The following WNK1 variants were observed in gnomAD, a reference collection of about 807,000 sequenced individuals.
The protein encoded by WNK1 is serine/threonine-protein kinase WNK1.
Under a neutral mutation model 222.8 loss-of-function variants are expected in WNK1, and 38 were observed. The observed-to-expected ratio is 0.17, with a 90% CI of 0.13 to 0.22. WNK1 has a LOEUF of 0.22. Among genes scored for constraint, WNK1 ranks in the 10% least tolerant of loss-of-function variants. The pLI is 1.00. For synonymous variants in WNK1, 1,090 were observed against 1,092.9 expected, an observed-to-expected ratio of 1.00 and a Z score of 0.05; for missense variants, 2,348 against 2,918.4, an observed-to-expected ratio of 0.80 and a Z score of 4.50.
In WNK1 at chr12:901,014, T is replaced by C. The variant is rs200947010; in HGVS notation, c.6643+344T>C. On this transcript the variant is annotated intron_variant, in intron 26 of 27. Transcript: ENST00000315939. ...GTGTTTTAGCAGTTTCTGAAGCTAA[T>C]ACATTTTCTTAGCCATTGTAGAATT... 5.1e-5 allele frequency: 19 copies of C among 372,564 alleles called. No individual in the cohort carries two copies. The East Asian group carries it at 9.8e-4, about 19-fold the overall frequency. 23.1% of individuals were successfully genotyped at this position (372,564 alleles called of 1,614,324 possible).
intron 1 of WNK1, among the ~76,000 whole-genome samples, chr12:800,259 T>C (rs976974722): frequency 6.6e-6 from 1 of 152,154 alleles, no homozygotes; most frequent in African/African-American, 2.4e-5. Context: ...AAAAAACATT[T>C]ATTAAGTACC....
chr12:908,861 G>GGGGGCCC lies in WNK1; in HGVS notation c.*69_*70insGGGGCCC. 2.0e-6 allele frequency: 1 copy of GGGGGCCC among 491,846 alleles called. No homozygotes were observed. 30.5% of individuals were successfully genotyped at this position (491,846 alleles called of 1,614,324 possible). A position where few individuals can be genotyped will look rare whatever the true frequency, so the allele number is the denominator to read the frequency against. ...ATGCTGAGGGGGTGGGTGGGGGTGG[G>GGGGGCCC]AAGTAGCCTATATACTAACTACTAG... On this transcript the variant is annotated 3_prime_UTR_variant, in exon 28 of 28. Transcript: ENST00000315939.
chr12:779,890 T>C (rs1009569763), intron 1 of WNK1, among the ~76,000 whole-genome samples: 1 of 152,208 alleles, frequency 6.6e-6, no homozygotes, highest in Non-Finnish European at 1.5e-5. Flanking sequence ...TGCCTGCATT[T>C]TTTGTTTACT....
intron 4 of WNK1, among the ~76,000 whole-genome samples, chr12:856,136 A>C (rs200817627): frequency 6.6e-6 from 1 of 151,304 alleles, no homozygotes; most frequent in Middle Eastern, 3.4e-3. Context: ...ACGGCGCCCA[A>C]CCTGAAAATT....
chr12:839,824 T>C (rs1949480860), intron 4 of WNK1, among the ~76,000 whole-genome samples: 1 of 151,894 alleles, frequency 6.6e-6, no homozygotes, highest in Non-Finnish European at 1.5e-5. Flanking sequence ...TCAAGTGATT[T>C]TCCTGCCTCA....
intron 23 of WNK1, among the ~76,000 whole-genome samples, chr12:895,851 G>T (rs189572656): frequency 6.6e-6 from 1 of 152,154 alleles, no homozygotes; most frequent in African/African-American, 2.4e-5. Flanking sequence ...CTTTATAAGC[G>T]TAGCCAGCCA....
chr12:772,019 CTAATT>C (rs1942568485), intron 1 of WNK1, among the ~76,000 whole-genome samples: 1 of 151,798 alleles, frequency 6.6e-6, no homozygotes, highest in Admixed American at 6.6e-5. Flanking sequence ...TGGCTACAAA[CTAATT>C]TGATTTTGAC....
chr12:773,189 C>T (rs369741018), intron 1 of WNK1, among the ~76,000 whole-genome samples: 1 of 151,732 alleles, frequency 6.6e-6, no homozygotes, highest in African/African-American at 2.4e-5. Context: ...ACCCGGGAGG[C>T]GGAGGTTGCG....
At chr12:865,340 C>CCT in intron 8 of WNK1, 1 of 1,536,130 alleles carries the variant, frequency 6.5e-7, no homozygotes, top group Non-Finnish European at 8.7e-7. Flanking sequence ...GACGCTCCAG[C>CCT]CTGCCTTCCC....
intron 1 of WNK1, among the ~76,000 whole-genome samples, chr12:757,790 C>A (rs1305767849): frequency 4.1e-5 from 6 of 147,180 alleles, no homozygotes; most frequent in Non-Finnish European, 4.6e-5. Context: ...GTAATCCCAG[C>A]ACTTTGGGAG....
At chr12:767,265 T>G (rs1298057923) in intron 1 of WNK1, among the ~76,000 whole-genome samples, 42 of 67,620 alleles carry the variant, frequency 6.2e-4, no homozygotes, top group Non-Finnish European at 1.0e-3. Flanking sequence ...TTTTTTTTTT[T>G]TTTTGGAGAC....
intron 4 of WNK1, among the ~76,000 whole-genome samples, chr12:850,094 G>T (rs1267230090): frequency 2.4e-4 from 37 of 151,990 alleles, no homozygotes; most frequent in African/African-American, 8.5e-4. Flanking sequence ...GTAATGGGAT[G>T]GCTGGGTCAA....
chr12:907,016 C>G (rs1314976402), intron 26 of WNK1, among the ~76,000 whole-genome samples: 1 of 3,888 alleles, frequency 2.6e-4, no homozygotes, highest in African/African-American at 4.7e-4. Flanking sequence ...AAGAAGAGAC[C>G]CTTCCTTTAA....
chr12:830,242 A>C, intron 4 of WNK1, 82 bp downstream of exon 4: 1 of 1,504,814 alleles, frequency 6.6e-7, no homozygotes, highest in Non-Finnish European at 9.2e-7. Context: ...AACCATGTAA[A>C]AGAGGACAAT....
intron 26 of WNK1, among the ~76,000 whole-genome samples, chr12:904,134 T>C (rs72650785): frequency 1.4e-4 from 22 of 152,282 alleles, no homozygotes; most frequent in African/African-American, 5.3e-4. Flanking sequence ...ATTCAAGCAG[T>C]GAGACCTGAG....
chr12:825,437 A>G (rs1948275588), intron 2 of WNK1, among the ~76,000 whole-genome samples: 1 of 152,194 alleles, frequency 6.6e-6, no homozygotes, highest in Non-Finnish European at 1.5e-5. Flanking sequence ...GTACAATTTC[A>G]TGTAAAATAC....
intron 1 of WNK1, among the ~76,000 whole-genome samples, chr12:781,502 A>G (rs1591668348): frequency 1.3e-5 from 2 of 152,332 alleles, no homozygotes; most frequent in African/African-American, 4.8e-5. Flanking sequence ...GAAAGGTACA[A>G]ATGATTATGA....
chr12:832,082 T>C (rs959514766), intron 4 of WNK1, among the ~76,000 whole-genome samples: 3 of 152,204 alleles, frequency 2.0e-5, no homozygotes, highest in African/African-American at 7.2e-5. Flanking sequence ...TTTATTTATT[T>C]ATTTATTTTT....
Position 884,884 on chromosome 12 carries a change from C to A in WNK1, c.4080C>A (p.Ser1360Arg). 6.2e-7 allele frequency: 1 copy of A among 1,614,164 alleles called. No individual in the cohort carries two copies. Among genetic ancestry groups the A allele is most frequent in the Non-Finnish European group, 8.5e-7 (1 of 1,180,014 alleles). The part of the protein sequence containing the change: ...AAATAPVPAT[S>R]SPPNDISTSV... Reference sequence around the variant, plus strand: ...CCACAGCACCAGTCCCTGCAACAAGCAGCCCTCCTAATGACATTTCCACAT... The same window carrying A: ...CCACAGCACCAGTCCCTGCAACAAGAAGCCCTCCTAATGACATTTCCACAT... The change falls in exon 19 of 28, where the codon AGC becomes AGA. Residue 1360 changes from serine (S) to arginine (R), a missense_variant. Ser to Arg is a moderately radical substitution (Grantham distance 110). Transcript: ENST00000315939. The surrounding 1 kb of genome is among the most constrained non-coding windows in gnomAD (Gnocchi z 5.6).
Sources: allele counts gnomAD v4.1 joint callset (sites outside exome capture counted in the v4.1 genomes callset), GRCh38; gene constraint gnomAD v4.1.1; non-coding constraint Gnocchi (gnomAD v3.1); transcripts MANE v1.5; gene names NCBI Gene and HGNC (gene_info 2026-07-23, HGNC 2026-07-21).